The following RRM1 variants were observed in gnomAD, a reference collection of about 807,000 sequenced individuals.
RRM1 encodes ribonucleoside-diphosphate reductase large subunit.
RRM1 carries 19 observed loss-of-function variants against 101.5 expected under a neutral mutation model. That is an observed-to-expected ratio of 0.19 (90% CI 0.13 to 0.27). The LOEUF is 0.27. Among genes scored for constraint, RRM1 ranks in the 10% least tolerant of loss-of-function variants. The pLI is 1.00. For synonymous variants in RRM1, 298 were observed against 323.4 expected (o/e 0.92, Z 0.84); for missense variants, 500 against 962.9 (o/e 0.52, Z 6.36).
intron 18 of RRM1, among the ~76,000 whole-genome samples, 159 bp downstream of exon 18, chr11:4,135,429 C>A (rs1289515916): frequency 6.6e-6 from 1 of 152,206 alleles, no homozygotes; most frequent in African/African-American, 2.4e-5. Context: ...TGTACCAGAA[C>A]AGGGTCTTGC....
At chr11:4,130,144 CT>C (rs1202093783) in intron 15 of RRM1, among the ~76,000 whole-genome samples, 2 of 123,710 alleles carry the variant, frequency 1.6e-5, no homozygotes, top group East Asian at 4.8e-4. Flanking sequence ...ATATACATGA[CT>C]TTTTTTCTAA....
rs186717808 is a variant in RRM1, at chr11:4,120,077, A to G, written c.876+149A>G. 1.3e-3 allele frequency: 725 copies of G among 558,546 alleles called. 3 individuals carry two copies. Among genetic ancestry groups the G allele is most frequent in the Non-Finnish European group, 1.6e-3 (515 of 313,488 alleles). The allele number at this position is 558,546 out of a possible 1,614,324, so 34.6% of individuals were successfully genotyped here. A position where few individuals can be genotyped will look rare whatever the true frequency, so the allele number is the denominator to read the frequency against. ...AGGAGGTATAATTATTTTAATATGC[A>G]TATACTTTAAATGTACAGTTTGATG... On this transcript the variant is annotated intron_variant, in intron 9 of 18. Coordinates refer to ENST00000300738, the MANE Select transcript of RRM1 (RefSeq NM_001033.5).
intron 2 of RRM1, among the ~76,000 whole-genome samples, chr11:4,103,987 G>A (rs144708578): frequency 6.7e-5 from 10 of 149,462 alleles, no homozygotes; most frequent in African/African-American, 1.5e-4. Flanking sequence ...GTGTGGTGGC[G>A]CATACCAGTA....
At chr11:4,099,174 G>A (rs896267167) in intron 1 of RRM1, among the ~76,000 whole-genome samples, 2 of 151,888 alleles carry the variant, frequency 1.3e-5, no homozygotes, top group African/African-American at 4.8e-5. Flanking sequence ...ACGGAGTCTT[G>A]CTCTGTTGCC....
intron 9 of RRM1, 97 bp downstream of exon 9, chr11:4,120,025 C>CT (rs72555781): frequency 1.1e-4 from 78 of 692,720 alleles, no homozygotes; most frequent in African/African-American, 3.9e-4. Flanking sequence ...TTCTAATTAC[C>CT]TTTTTTTTAC....
Position 4,107,298 on chromosome 11 carries a change from G to A in RRM1, c.287-137G>A, listed in dbSNP as rs1349465988. 1.6e-5 allele frequency: 10 copies of A among 610,620 alleles called. No individual in the cohort carries two copies. The Admixed American group carries it at 1.7e-4, about 10-fold the overall frequency. 37.8% of individuals were successfully genotyped at this position (610,620 alleles called of 1,614,324 possible). On this transcript the variant is annotated intron_variant, in intron 3 of 18. Transcript: ENST00000300738. ...TCTTCAACATATATGTGTTTATTGAGCACTTTATATGCTAGGCATTGAGGT... is the reference window on the plus strand; with the variant it reads ...TCTTCAACATATATGTGTTTATTGAACACTTTATATGCTAGGCATTGAGGT...
chr11:4,120,347 G>A lies in RRM1; in HGVS notation c.876+419G>A, dbSNP rs550113415. On this transcript the variant is annotated intron_variant, in intron 9 of 18. Transcript: ENST00000300738. ...ATATAAATTTGTTACTTGAAATGGG[G>A]TTGTAACATGTGCTCTAGGTTTTTC... Among the ~76,000 whole-genome samples, 72 of 151,924 alleles carry A rather than the reference G, an allele frequency of 4.7e-4. 2 individuals are homozygous for A. The highest frequency in any genetic ancestry group is 1.7e-3 in the African/African-American group (70 of 41,462).
rs1007176840 is a variant in RRM1, at chr11:4,094,952, G to A, written c.-61G>A. On this transcript the variant is annotated 5_prime_UTR_variant, in exon 1 of 19. Coordinates refer to ENST00000300738, the MANE Select transcript of RRM1 (RefSeq NM_001033.5). ...CCCACTCTGTCACCTTCTCGATCCC[G>A]CCGGCGCTTTAGAGCCGCAGTCCAG... The A allele has an allele frequency of 6.5e-7, 1 of 1,544,868 alleles. No individual in the cohort carries two copies. Among genetic ancestry groups the A allele is most frequent in the Non-Finnish European group, 8.8e-7 (1 of 1,140,836 alleles).
chr11:4,107,354 A>C, intron 3 of RRM1, 81 bp from the exon 4 acceptor site: 1 of 952,224 alleles, frequency 1.1e-6, no homozygotes, highest in Non-Finnish European at 1.7e-6. Context: ...GTTGAGAACC[A>C]CTGTTTTCAA....
At chr11:4,116,109 T>C (rs2735690) in intron 7 of RRM1, 140,765 of 152,206 alleles carry the variant, frequency 0.92, 65,211 homozygotes, top group Admixed American at 0.95. Flanking sequence ...AGGTGCAGCG[T>C]GCTTTTATGG....
At chr11:4,130,088 T>TATATATATATATA (rs1235882420) in intron 15 of RRM1, among the ~76,000 whole-genome samples, 553 of 47,956 alleles carry the variant, frequency 0.012, 5 homozygotes, top group African/African-American at 0.029. Flanking sequence ...ATATATATAT[T>TATATATATATATA]TTTTTTTTTT....
At chr11:4,114,914 T>A (rs980141502) in intron 7 of RRM1, among the ~76,000 whole-genome samples, 1 of 152,122 alleles carries the variant, frequency 6.6e-6, no homozygotes, top group Non-Finnish European at 1.5e-5. Flanking sequence ...GGTTTCACCA[T>A]GTTGGCCAGG....
At chr11:4,129,843 A>T (rs753827910) in intron 15 of RRM1, among the ~76,000 whole-genome samples, 4 of 151,844 alleles carry the variant, frequency 2.6e-5, no homozygotes, top group Non-Finnish European at 5.9e-5. Context: ...TTGCCTTAAA[A>T]TTGTTAAATT....
rs571938387 is a variant in RRM1 at position 4,133,595 on chromosome 11, C to G, written c.1938C>G (p.Thr646=). Residue 646 remains threonine, a synonymous_variant, in exon 17 of 19, where the codon ACC becomes ACG. Coordinates refer to ENST00000300738, the MANE Select transcript of RRM1 (RefSeq NM_001033.5). ...ATCCTCACTTATTGAAAGATCTTAC[C>G]GAGCGGGGCCTATGGCATGAAGAGA... ...IVNPHLLKDL[T]ERGLWHEEMK... The G allele has an allele frequency of 7.4e-6, 12 of 1,610,840 alleles. No homozygotes were observed. The highest frequency in any genetic ancestry group is 9.3e-6 in the Non-Finnish European group (11 of 1,178,046).
intron 9 of RRM1, 172 bp from the exon 10 acceptor site, chr11:4,121,431 TA>T: frequency 2.1e-6 from 1 of 472,712 alleles, no homozygotes; most frequent in Non-Finnish European, 3.6e-6. Flanking sequence ...AATTGTAAAA[TA>T]TTACTTTTAC....
At chr11:4,115,699 G>A (rs2094572054) in intron 7 of RRM1, among the ~76,000 whole-genome samples, 1 of 152,102 alleles carries the variant, frequency 6.6e-6, no homozygotes, top group Non-Finnish European at 1.5e-5. Flanking sequence ...TGGGATTACA[G>A]GCACGCGCCA....
chr11:4,117,432 T>A (rs1422164093), intron 7 of RRM1, among the ~76,000 whole-genome samples: 1 of 152,212 alleles, frequency 6.6e-6, no homozygotes, highest in African/African-American at 2.4e-5. Flanking sequence ...TTTGGTATAT[T>A]TATACAATAG....
chr11:4,116,412 C>G (rs1035610029), intron 7 of RRM1: 2 of 152,134 alleles, frequency 1.3e-5, no homozygotes, highest in Non-Finnish European at 2.9e-5. Context: ...GCCAACATGG[C>G]GAAACCCTGT....
At chr11:4,128,156 T>G (rs2094592969) in intron 14 of RRM1, among the ~76,000 whole-genome samples, 1 of 147,310 alleles carries the variant, frequency 6.8e-6, no homozygotes, top group South Asian at 2.1e-4. Context: ...CACCCCCCTG[T>G]CCCGCTTTTT....
Sources: gnomAD v4.1 joint callset for allele counts (sites outside exome capture counted in the v4.1 genomes callset) on GRCh38, gnomAD v4.1.1 for gene constraint, MANE v1.5 for transcripts, NCBI Gene and HGNC (gene_info 2026-07-23, HGNC 2026-07-21) for gene names.